The following RANBP2 variants were observed in gnomAD, a reference collection of about 807,000 sequenced individuals.
The protein encoded by RANBP2 is RAN binding protein 2.
In RANBP2, 57 loss-of-function variants were observed where a neutral mutation model predicts 303.6. The observed-to-expected ratio is 0.19, with a 90% CI of 0.15 to 0.23. The LOEUF is 0.23. Among genes scored for constraint, RANBP2 ranks in the 10% least tolerant of loss-of-function variants. The pLI, the probability that RANBP2 is intolerant of heterozygous loss-of-function variation, is 1.00. For missense variants in RANBP2, 3,138 were observed against 3,780.8 expected, an observed-to-expected ratio of 0.83 and a Z score of 4.46; for synonymous variants, 1,167 against 1,301.5, an observed-to-expected ratio of 0.90 and a Z score of 2.23.
At chr2:108,752,235 GT>G (rs1269536839) in intron 12 of RANBP2, among the ~76,000 whole-genome samples, 9 of 151,318 alleles carry the variant, frequency 5.9e-5, no homozygotes, top group African/African-American at 2.2e-4. Context: ...TAATAATTAA[GT>G]TCTGATAATT....
chr2:109,132,462 C>A, the RANBP2 span, among the ~76,000 whole-genome samples: 1 of 152,302 alleles, frequency 6.6e-6, no homozygotes, highest in African/African-American at 2.4e-5. Context: ...AGTCCCCTGA[C>A]GTGGTTAGCA....
the RANBP2 span, among the ~76,000 whole-genome samples, chr2:109,415,187 C>T: frequency 0.019 from 2,853 of 152,320 alleles, 35 homozygotes; most frequent in Non-Finnish European, 0.026. Flanking sequence ...GAACACAGCC[C>T]TGCCACACCT....
the RANBP2 span, among the ~76,000 whole-genome samples, chr2:109,287,199 A>G: frequency 1.3e-5 from 2 of 152,158 alleles, no homozygotes; most frequent in Non-Finnish European, 2.9e-5. Flanking sequence ...CAAAATTTGC[A>G]TTTTAAATTT....
At chr2:109,732,572 A>G in the RANBP2 span, among the ~76,000 whole-genome samples, 2 of 150,364 alleles carry the variant, frequency 1.3e-5, no homozygotes, top group African/African-American at 4.9e-5. Context: ...TCCGCCTCCC[A>G]GGTTCAAGTG....
chr2:108,977,464 G>A, the RANBP2 span, among the ~76,000 whole-genome samples: 1 of 152,144 alleles, frequency 6.6e-6, no homozygotes, highest in Non-Finnish European at 1.5e-5. Context: ...TAGAGACGCG[G>A]TTTCACTGTG....
chr2:109,520,619 A>C, the RANBP2 span, among the ~76,000 whole-genome samples: 2 of 92,640 alleles, frequency 2.2e-5, 1 homozygote, highest in African/African-American at 6.5e-5. Context: ...AAAAAAAAAA[A>C]AAAAAGAAAA....
At chr2:109,219,220 G>T in the RANBP2 span, among the ~76,000 whole-genome samples, 1 of 152,226 alleles carries the variant, frequency 6.6e-6, no homozygotes, top group Non-Finnish European at 1.5e-5. Flanking sequence ...TTCCATGAGA[G>T]AATGTATTTG....
the RANBP2 span, among the ~76,000 whole-genome samples, chr2:108,993,481 CT>C: frequency 6.6e-6 from 1 of 152,122 alleles, no homozygotes; most frequent in East Asian, 1.9e-4. Flanking sequence ...AAATGGGCCA[CT>C]ATCCTTAGCA....
chr2:108,750,361 A>C (rs899236052), intron 9 of RANBP2, among the ~76,000 whole-genome samples: 4 of 152,188 alleles, frequency 2.6e-5, no homozygotes, highest in African/African-American at 9.7e-5. Flanking sequence ...TGGGCATCCA[A>C]GTTTTCTCAA....
the RANBP2 span, among the ~76,000 whole-genome samples, chr2:109,423,299 T>C: frequency 6.6e-6 from 1 of 152,250 alleles, no homozygotes; most frequent in South Asian, 2.1e-4. Context: ...GATCTGGTGG[T>C]TGACACTGGT....
At chr2:109,407,479 C>T in the RANBP2 span, among the ~76,000 whole-genome samples, 1 of 152,104 alleles carries the variant, frequency 6.6e-6, no homozygotes, top group African/African-American at 2.4e-5. Flanking sequence ...ACAGGACAGA[C>T]AGACAGATGC....
At chr2:109,302,105 T>C in the RANBP2 span, among the ~76,000 whole-genome samples, 1 of 152,200 alleles carries the variant, frequency 6.6e-6, no homozygotes, top group Non-Finnish European at 1.5e-5. Flanking sequence ...CTGCAATCGA[T>C]AGCAGAGAAT....
At chr2:108,894,224 A>AATG in the RANBP2 span, among the ~76,000 whole-genome samples, 3 of 152,236 alleles carry the variant, frequency 2.0e-5, no homozygotes, top group African/African-American at 7.2e-5. Context: ...CTTATGAGCT[A>AATG]ATGATGGCAA....
At chr2:109,260,531 T>A in the RANBP2 span, among the ~76,000 whole-genome samples, 1 of 152,168 alleles carries the variant, frequency 6.6e-6, no homozygotes, top group Non-Finnish European at 1.5e-5. Flanking sequence ...CACTTTCACT[T>A]GTAGCGTGGG....
the RANBP2 span, among the ~76,000 whole-genome samples, chr2:109,095,647 T>C: frequency 2.6e-5 from 4 of 152,200 alleles, no homozygotes; most frequent in Admixed American, 2.0e-4. Flanking sequence ...TAGGGGGCCA[T>C]AATTGGGGCC....
chr2:109,083,572 G>T, the RANBP2 span, among the ~76,000 whole-genome samples: 1 of 152,056 alleles, frequency 6.6e-6, no homozygotes. Flanking sequence ...CACTCGGCTT[G>T]CTTCTGCCTC....
the RANBP2 span, among the ~76,000 whole-genome samples, chr2:109,245,010 T>C: frequency 6.6e-6 from 1 of 152,168 alleles, no homozygotes; most frequent in African/African-American, 2.4e-5. Flanking sequence ...GCTGTCTTTG[T>C]TGTTGGATGG....
chr2:108,765,971 A>T lies in RANBP2; in HGVS notation c.5432A>T (p.His1811Leu). 6.2e-7 allele frequency: 1 copy of T among 1,614,176 alleles called. No individual in the cohort carries two copies. ...GCTTGTGATGCCTCTAAACCAACTC[A>T]TAAACCTATTGCAGAAGCTCCTTCA... ...CVACDASKPT[H>L]KPIAEAPSAF... is the part of the protein sequence containing the mutation. The change falls in exon 20 of 29, where the codon CAT becomes CTT. Residue 1811 changes from histidine (H) to leucine (L), a missense_variant. By Grantham distance (99) the His-to-Leu change is moderately conservative. Around this residue, in one of 20 missense-constraint regions of RANBP2, gnomAD observed 348 missense variants for 360.4 expected, o/e 0.97. Transcript: ENST00000283195.
chr2:109,345,829 G>C, the RANBP2 span, among the ~76,000 whole-genome samples: 2 of 152,210 alleles, frequency 1.3e-5, no homozygotes, highest in African/African-American at 4.8e-5. Flanking sequence ...TCTGGGCCAG[G>C]TCATTCTTTG....
Sources: allele counts gnomAD v4.1 joint callset (sites outside exome capture counted in the v4.1 genomes callset), GRCh38; gene constraint gnomAD v4.1.1; regional missense constraint gnomAD v4.1.1; transcripts MANE v1.5; gene names NCBI Gene and HGNC (gene_info 2026-07-23, HGNC 2026-07-21).